RBFOX1: variants seen among roughly 807,000 people sequenced by gnomAD.
RBFOX1 encodes RNA binding fox-1 homolog 1.
Under a neutral mutation model 57.7 loss-of-function variants are expected in RBFOX1, and 8 were observed. The ratio of observed to expected loss-of-function variants is 0.14; its 90% CI spans 0.08 to 0.25. The LOEUF (loss-of-function observed/expected upper bound fraction) is 0.25, where lower values mean the gene tolerates loss of function less well. Among genes scored for constraint, RBFOX1 ranks in the 10% least tolerant of loss-of-function variants. The pLI is 1.00. For missense variants in RBFOX1, 611 were observed against 548.5 expected, an observed-to-expected ratio of 1.11 and a Z score of -1.14; for synonymous variants, 326 against 222.4, an observed-to-expected ratio of 1.47 and a Z score of -4.15.
chr16:7,182,153 T>C (rs2082845962), intron 4 of RBFOX1, among the ~76,000 whole-genome samples: 1 of 152,162 alleles, frequency 6.6e-6, no homozygotes, highest in Non-Finnish European at 1.5e-5. Context: ...ACCTATTAGG[T>C]ATCTTTGACC....
chr16:7,631,853 A>G (rs1199704963), intron 11 of RBFOX1, among the ~76,000 whole-genome samples: 1 of 152,178 alleles, frequency 6.6e-6, no homozygotes, highest in Non-Finnish European at 1.5e-5. Context: ...AATCAAAAAT[A>G]TAATGTGACA....
chr16:6,884,340 A>C (rs1228912771), intron 3 of RBFOX1, among the ~76,000 whole-genome samples: 1 of 152,168 alleles, frequency 6.6e-6, no homozygotes, highest in Non-Finnish European at 1.5e-5. Flanking sequence ...GGGACCTGGC[A>C]GCTTCTTCCA....
At chr16:7,687,720 A>G (rs749682829) in intron 14 of RBFOX1, among the ~76,000 whole-genome samples, 3 of 152,088 alleles carry the variant, frequency 2.0e-5, no homozygotes, top group Non-Finnish European at 4.4e-5. Context: ...ACTAATTATA[A>G]CTACTGTAAT....
At chr16:7,274,631 T>TTTTATTTATTTATTTA (rs71391613) in intron 4 of RBFOX1, among the ~76,000 whole-genome samples, 1 of 151,406 alleles carries the variant, frequency 6.6e-6, no homozygotes, top group African/African-American at 2.4e-5. Context: ...GGTCATTAGT[T>TTTTATTTATTTATTTA]TTTATTTATT....
intron 3 of RBFOX1, among the ~76,000 whole-genome samples, chr16:5,763,224 A>G (rs1377274529): frequency 2.0e-5 from 3 of 152,046 alleles, no homozygotes; most frequent in Admixed American, 6.5e-5. Context: ...AGCTTTTTCA[A>G]TTGCAGATCC....
intron 10 of RBFOX1, among the ~76,000 whole-genome samples, chr16:7,608,898 G>A (rs975167686): frequency 6.6e-6 from 1 of 152,170 alleles, no homozygotes; most frequent in African/African-American, 2.4e-5. Context: ...ATGAGACAAA[G>A]AGATTCTTTC....
Position 6,844,012 on chromosome 16 carries a change from C to G in RBFOX1, c.-16+189362C>G, listed in dbSNP as rs542500159. On this transcript the variant is annotated intron_variant, in intron 3 of 15. Coordinates refer to ENST00000550418, the MANE Select transcript of RBFOX1 (RefSeq NM_018723.4). ...TAACAAAGGATATGGCATTTTCTGT[C>G]TGAACCTTTTCCCAACAATCCATTT... Among the ~76,000 whole-genome samples, 3 of 152,174 alleles carry G rather than the reference C, an allele frequency of 2.0e-5. No individual in the cohort carries two copies. The South Asian group carries it at 6.2e-4, about 32-fold the overall frequency.
intron 1 of RBFOX1, among the ~76,000 whole-genome samples, chr16:5,345,762 AC>A (rs1265761482): frequency 6.6e-6 from 1 of 152,146 alleles, no homozygotes; most frequent in Non-Finnish European, 1.5e-5. Context: ...AAGGCACATG[AC>A]GCCACCCCTT....
intron 4 of RBFOX1, among the ~76,000 whole-genome samples, chr16:5,969,257 T>G (rs1567203232): frequency 6.6e-6 from 1 of 151,086 alleles, no homozygotes; most frequent in African/African-American, 2.4e-5. Context: ...TCTTTCATAA[T>G]AAATTTGTAT....
At chr16:7,208,924 C>T (rs1471438702) in intron 4 of RBFOX1, among the ~76,000 whole-genome samples, 3 of 152,056 alleles carry the variant, frequency 2.0e-5, no homozygotes, top group African/African-American at 4.8e-5. Context: ...TATTCCCTTC[C>T]TGGCGGGCAT....
intron 2 of RBFOX1, among the ~76,000 whole-genome samples, chr16:6,611,734 G>C (rs1055117607): frequency 2.0e-5 from 3 of 152,124 alleles, no homozygotes; most frequent in African/African-American, 4.8e-5. Context: ...GAGGGCGTGA[G>C]TGGAAACTCT....
intron 1 of RBFOX1, among the ~76,000 whole-genome samples, chr16:6,030,898 C>T (rs1340383329): frequency 1.3e-5 from 2 of 152,116 alleles, no homozygotes; most frequent in Non-Finnish European, 2.9e-5. Flanking sequence ...CTGGGCCAGG[C>T]ACTGTTAGGC....
chr16:6,262,996 T>G (rs1334530506), intron 1 of RBFOX1, among the ~76,000 whole-genome samples: 1 of 152,110 alleles, frequency 6.6e-6, no homozygotes, highest in Admixed American at 6.5e-5. Flanking sequence ...TGAGATGACA[T>G]CTGATTTGTA....
chr16:5,819,105 C>G (rs76522296), intron 3 of RBFOX1, among the ~76,000 whole-genome samples: 1,882 of 152,262 alleles, frequency 0.012, 41 homozygotes, highest in African/African-American at 0.042. Context: ...TAACAAAACA[C>G]CACAGACTGG....
At chr16:6,478,427 ATATTTTTTTTT>A (rs1321759284) in intron 2 of RBFOX1, among the ~76,000 whole-genome samples, 1 of 12,700 alleles carries the variant, frequency 7.9e-5, no homozygotes. Context: ...ATATATATAT[ATATTTTTTTTT>A]TTTTTTTTTG....
At chr16:6,507,515 A>AAAAT (rs2096133960) in intron 2 of RBFOX1, among the ~76,000 whole-genome samples, 1 of 150,890 alleles carries the variant, frequency 6.6e-6, no homozygotes, top group African/African-American at 2.4e-5. Flanking sequence ...TACAAAAAAA[A>AAAAT]AAAAAAAAAA....
chr16:6,883,602 A>T (rs561409385), intron 3 of RBFOX1, among the ~76,000 whole-genome samples: 1 of 152,286 alleles, frequency 6.6e-6, no homozygotes, highest in African/African-American at 2.4e-5. Flanking sequence ...TAACACCCTC[A>T]AGCTGTTCTA....
intron 4 of RBFOX1, among the ~76,000 whole-genome samples, chr16:7,405,645 G>A (rs1344738038): frequency 1.3e-5 from 2 of 152,170 alleles, no homozygotes; most frequent in Non-Finnish European, 2.9e-5. Context: ...AGGAATCAGA[G>A]CAAGCAAGGC....
chr16:5,591,624 C>G (rs1293565160), intron 2 of RBFOX1, among the ~76,000 whole-genome samples: 1 of 152,086 alleles, frequency 6.6e-6, no homozygotes, highest in Non-Finnish European at 1.5e-5. Flanking sequence ...CTAGAAATGC[C>G]TATATTCTTA....
Sources: gnomAD v4.1 joint callset for allele counts (sites outside exome capture counted in the v4.1 genomes callset) on GRCh38, gnomAD v4.1.1 for gene constraint, MANE v1.5 for transcripts, NCBI Gene and HGNC (gene_info 2026-07-23, HGNC 2026-07-21) for gene names.